The following KIF1B variants were observed in gnomAD, a reference collection of about 807,000 sequenced individuals.
KIF1B encodes kinesin-like protein KIF1B.
A neutral mutation model predicts 241.9 loss-of-function variants in KIF1B; 76 were observed. The observed-to-expected ratio is 0.31, with a 90% CI of 0.26 to 0.38. The LOEUF (loss-of-function observed/expected upper bound fraction) is 0.38, where lower values mean the gene tolerates loss of function less well. KIF1B is among the 10% of genes least tolerant of loss of function. The probability of loss-of-function intolerance (pLI) is 1.00; values close to 1 mark genes in which losing one functional copy is unlikely to be tolerated. For synonymous variants in KIF1B, 750 were observed against 796.7 expected (o/e 0.94, Z 0.99); for missense variants, 1,622 against 2,271.4 (o/e 0.71, Z 5.81).
chr1:10,361,841 A>T lies in KIF1B; in HGVS notation c.4304+16A>T. 6.2e-7 allele frequency: 1 copy of T among 1,613,154 alleles called. No individual in the cohort carries two copies. Among genetic ancestry groups the T allele is most frequent in the Non-Finnish European group, 8.5e-7 (1 of 1,179,952 alleles). On this transcript the variant is annotated intron_variant, in intron 40 of 48. Transcript: ENST00000676179. ...CACCAGATTCGTAAGTTTTTCACACAAGTTAGCTTCCAGTGTGTTTGTTCA... is the reference window on the plus strand; with the variant it reads ...CACCAGATTCGTAAGTTTTTCACACTAGTTAGCTTCCAGTGTGTTTGTTCA...
In KIF1B at chr1:10,273,044, T is replaced by G. The variant is rs1290539861; in HGVS notation, c.882+13T>G. On this transcript the variant is annotated intron_variant, in intron 10 of 48. Coordinates refer to ENST00000676179, the MANE Select transcript of KIF1B (RefSeq NM_001365951.3). ...CTGCACTAGCAAGGTACAGTGGGGA[T>G]TGGTAGAGATAAACTAGAATTGACT... 2.0e-6 allele frequency: 3 copies of G among 1,538,018 alleles called. No individual in the cohort carries two copies. The African/African-American group carries it at 4.1e-5, about 21-fold the overall frequency.
In KIF1B at chr1:10,275,413, C is replaced by A. The variant is rs1397719362; in HGVS notation, c.883-15C>A. 7.0e-7 allele frequency: 1 copy of A among 1,427,752 alleles called. No individual in the cohort carries two copies. Among genetic ancestry groups the A allele is most frequent in the Non-Finnish European group, 9.9e-7 (1 of 1,010,962 alleles). 88.4% of individuals were successfully genotyped at this position (1,427,752 alleles called of 1,614,324 possible). A position where few individuals can be genotyped will look rare whatever the true frequency, so the allele number is the denominator to read the frequency against. ...CTAACGAAAAATGCTAAGACCATTT[C>A]TTTTCCTTTAATAGAGTAAAAAGAA... is the stretch of plus-strand genomic sequence containing the variant. On this transcript the variant is annotated splice_polypyrimidine_tract_variant and intron_variant, in intron 10 of 48. Coordinates refer to ENST00000676179, the MANE Select transcript of KIF1B (RefSeq NM_001365951.3).
chr1:10,335,076 A>G (rs12722830), intron 28 of KIF1B, among the ~76,000 whole-genome samples: 49,769 of 151,686 alleles, frequency 0.33, 8,296 homozygotes, highest in Middle Eastern at 0.38. Context: ...AGCTGGAACT[A>G]CAGATGCACA....
At chr1:10,308,299 A>T (rs1650924440) in intron 22 of KIF1B, 1 of 1,058,846 alleles carries the variant, frequency 9.4e-7, no homozygotes. Context: ...AGCAATACTG[A>T]TAATTGTCCA....
chr1:10,235,048 C>T (rs1299045562), intron 2 of KIF1B, among the ~76,000 whole-genome samples: 1 of 151,810 alleles, frequency 6.6e-6, no homozygotes, highest in African/African-American at 2.4e-5. Flanking sequence ...TGTCACCACA[C>T]CTGGCTAATT....
chr1:10,348,521 A>G (rs1022577656), intron 36 of KIF1B, 128 bp from the exon 37 acceptor site: 4 of 729,880 alleles, frequency 5.5e-6, no homozygotes, highest in Middle Eastern at 2.3e-4. Context: ...TGTGGATAGC[A>G]TTTTCCGTCT....
At chr1:10,293,489 G>A (rs148882813) in intron 17 of KIF1B, among the ~76,000 whole-genome samples, 2,838 of 150,266 alleles carry the variant, frequency 0.019, 41 homozygotes, top group Non-Finnish European at 0.028. Context: ...TCCGCCTCCC[G>A]GGTTCAAGTG....
intron 38 of KIF1B, among the ~76,000 whole-genome samples, chr1:10,355,073 CTAT>C (rs1652927553): frequency 6.6e-6 from 1 of 152,156 alleles, no homozygotes; most frequent in African/African-American, 2.4e-5. Flanking sequence ...CAGCAACTTC[CTAT>C]TATTCTCAAT....
At chr1:10,321,640 C>G in intron 23 of KIF1B, 69 bp from the exon 24 acceptor site, 1 of 1,498,264 alleles carries the variant, frequency 6.7e-7, no homozygotes, top group East Asian at 2.3e-5. Flanking sequence ...AAGAGATAAG[C>G]TAGAAGAGAG....
At chr1:10,315,875 G>T (rs1002697431) in intron 22 of KIF1B, among the ~76,000 whole-genome samples, 1 of 151,128 alleles carries the variant, frequency 6.6e-6, no homozygotes, top group Non-Finnish European at 1.5e-5. Flanking sequence ...GGCCAACATG[G>T]TAAAACCCCC....
chr1:10,232,661 C>CTAA (rs1477175683), intron 2 of KIF1B, among the ~76,000 whole-genome samples: 1 of 152,106 alleles, frequency 6.6e-6, no homozygotes, highest in East Asian at 1.9e-4. Context: ...AATAACTGAA[C>CTAA]TAATTTAGCA....
In KIF1B at chr1:10,339,775, G is replaced by A; in HGVS notation, c.3429G>A (p.Leu1143=). ...YADIFCQFNF[L]HRHDEAFSTE... ...TTTTATTTTTTTTATGAAGCTTTTT[G>A]CATCGCCATGATGAAGCATTCTCCA... The change falls in exon 32 of 49, where the codon TTG becomes TTA. Residue 1143 remains leucine (L), a synonymous_variant. Transcript: ENST00000676179. 1 of 1,613,140 alleles carries A rather than the reference G, an allele frequency of 6.2e-7. No homozygotes were observed. Among genetic ancestry groups the A allele is most frequent in the Non-Finnish European group, 8.5e-7 (1 of 1,179,480 alleles).
intron 38 of KIF1B, among the ~76,000 whole-genome samples, chr1:10,360,539 G>T (rs1413078204): frequency 6.6e-6 from 1 of 152,032 alleles, no homozygotes; most frequent in Non-Finnish European, 1.5e-5. Context: ...ACAAAAATTA[G>T]CCAGGCGTGG....
At chr1:10,288,808 T>C (rs1649842130) in intron 15 of KIF1B, among the ~76,000 whole-genome samples, 1 of 152,198 alleles carries the variant, frequency 6.6e-6, no homozygotes, top group Non-Finnish European at 1.5e-5. Flanking sequence ...TCTTTACTCT[T>C]GCTTTTTTCA....
At chr1:10,363,457 C>CTCCCA in intron 41 of KIF1B, 113 bp downstream of exon 41, 3 of 882,986 alleles carry the variant, frequency 3.4e-6, no homozygotes, top group Non-Finnish European at 5.7e-6. Flanking sequence ...TTTGGGAGGC[C>CTCCCA]AAGGCGGGTG....
At chr1:10,293,476 A>G (rs1182160575) in intron 17 of KIF1B, among the ~76,000 whole-genome samples, 1 of 149,168 alleles carries the variant, frequency 6.7e-6, no homozygotes, top group Non-Finnish European at 1.5e-5. Context: ...GCTCACTGCA[A>G]CCTCCGCCTC....
chr1:10,218,373 T>G (rs916589585), intron 1 of KIF1B, among the ~76,000 whole-genome samples: 2 of 152,182 alleles, frequency 1.3e-5, no homozygotes, highest in African/African-American at 2.4e-5. Flanking sequence ...ACTGCTGTTT[T>G]TCTGGCTACT....
At chr1:10,279,718 G>A (rs1261210005) in intron 14 of KIF1B, among the ~76,000 whole-genome samples, 7 of 76,642 alleles carry the variant, frequency 9.1e-5, no homozygotes, top group Admixed American at 5.8e-4. Context: ...TTTTTTTTTA[G>A]ACAGTCTCAC....
Position 10,379,371 on chromosome 1 carries a change from G to A in KIF1B, c.*2784G>A, listed in dbSNP as rs146910114. ...CTCTTAGGGAGCCAGAGGGAGCAGA[G>A]TGGTCGTGTCCTGCGTGCTCTTCAC... On this transcript the variant is annotated 3_prime_UTR_variant, in exon 49 of 49. Coordinates refer to ENST00000676179, the MANE Select transcript of KIF1B (RefSeq NM_001365951.3). The A allele has an allele frequency of 9.1e-5, 21 of 231,632 alleles. No homozygotes were observed. The highest frequency in any genetic ancestry group is 1.8e-4 in the South Asian group (1 of 5,520). The allele number at this position is 231,632 out of a possible 1,614,324, so 14.3% of individuals were successfully genotyped here.
Sources: gnomAD v4.1 joint callset for allele counts (sites outside exome capture counted in the v4.1 genomes callset) on GRCh38, gnomAD v4.1.1 for gene constraint, MANE v1.5 for transcripts, NCBI Gene and HGNC (gene_info 2026-07-23, HGNC 2026-07-21) for gene names.